RHBDL2: variants seen among roughly 807,000 people sequenced by gnomAD.
RHBDL2 encodes the protein rhomboid-related protein 2.
Under a neutral mutation model 31.7 loss-of-function variants are expected in RHBDL2, and 26 were observed. The observed-to-expected ratio is 0.82, with a 90% CI of 0.60 to 1.14. The LOEUF is 1.14. Among genes scored for constraint, RHBDL2 ranks in the 50% most tolerant of loss-of-function variants. The pLI is 0.00. For missense variants in RHBDL2, 336 were observed against 364.4 expected, an observed-to-expected ratio of 0.92 and a Z score of 0.63; for synonymous variants, 123 against 127.2, an observed-to-expected ratio of 0.97 and a Z score of 0.22.
chr1:38,912,049 G>T (rs1643155981), intron 3 of RHBDL2, among the ~76,000 whole-genome samples: 1 of 151,758 alleles, frequency 6.6e-6, no homozygotes, highest in Non-Finnish European at 1.5e-5. Context: ...TCGGCTCACT[G>T]CAACCTCCAC....
At chr1:38,902,379 GT>G (rs1234715110) in intron 4 of RHBDL2, among the ~76,000 whole-genome samples, 9 of 142,458 alleles carry the variant, frequency 6.3e-5, no homozygotes, top group Admixed American at 5.6e-4. Context: ...TTTTGTTTTT[GT>G]TTTGTTTTAC....
At chr1:38,916,918 T>C (rs1233688798) in intron 2 of RHBDL2, among the ~76,000 whole-genome samples, 1 of 149,736 alleles carries the variant, frequency 6.7e-6, no homozygotes, top group Non-Finnish European at 1.5e-5. Flanking sequence ...TATACAGAGA[T>C]TATCCTGGGT....
intron 4 of RHBDL2, among the ~76,000 whole-genome samples, chr1:38,899,353 C>A (rs1642960714): frequency 6.6e-6 from 1 of 152,196 alleles, no homozygotes; most frequent in Non-Finnish European, 1.5e-5. Context: ...CCTTGGTCCC[C>A]TGCCCTCGTG....
At chr1:38,916,248 C>A (rs1643233657) in intron 2 of RHBDL2, among the ~76,000 whole-genome samples, 1 of 152,186 alleles carries the variant, frequency 6.6e-6, no homozygotes, top group East Asian at 1.9e-4. Flanking sequence ...GGGCCCTTCA[C>A]CTCCGTGGTA....
chr1:38,898,290 G>A (rs773018662), intron 4 of RHBDL2, among the ~76,000 whole-genome samples: 2 of 152,198 alleles, frequency 1.3e-5, no homozygotes, highest in South Asian at 2.1e-4. Flanking sequence ...GTGACAGAAT[G>A]AGACTCTGTC....
Position 38,905,726 on chromosome 1 carries a change from T to C in RHBDL2, c.508+5596A>G, listed in dbSNP as rs1342953141. Among the ~76,000 whole-genome samples the C allele has an allele frequency of 2.2e-5, 3 of 138,550 alleles. No homozygotes were observed. In the Admixed American group the frequency reaches 2.4e-4, roughly 11 times the overall value. The allele number at this position is 138,550 out of a possible 152,430, so 90.9% of individuals were successfully genotyped here. A position where few individuals can be genotyped will look rare whatever the true frequency, so the allele number is the denominator to read the frequency against. ...AAGATCATGCTACTTCACTCCAGCC[T>C]GGGTGACAGAGACTCTGTCTCAAGA... On this transcript the variant is annotated intron_variant, in intron 4 of 7. Transcript: ENST00000372990.
chr1:38,920,401 CAA>C (rs1482053397), intron 1 of RHBDL2, among the ~76,000 whole-genome samples: 3 of 151,874 alleles, frequency 2.0e-5, no homozygotes, highest in African/African-American at 7.3e-5. Flanking sequence ...CTCCCAACCT[CAA>C]GTGATCCACC....
chr1:38,888,024 A>C lies in RHBDL2; in HGVS notation c.671T>G (p.Ile224Ser). 1 of 1,611,598 alleles carries C rather than the reference A, an allele frequency of 6.2e-7. No individual in the cohort carries two copies. The highest frequency in any genetic ancestry group is 8.5e-7 in the Non-Finnish European group (1 of 1,177,846). The change falls in exon 7 of 8, where the codon ATT (isoleucine) becomes AGT (serine). Residue 224 changes from isoleucine (I) to serine (S), a missense_variant and splice_region_variant. Physicochemically the swap from Ile to Ser is moderately radical, Grantham distance 142. Coordinates refer to ENST00000372990, the MANE Select transcript of RHBDL2 (RefSeq NM_017821.5). Reference protein sequence around the residue: ...IFRLLIIILIIVLDMGFALYR... With the variant: ...IFRLLIIILISVLDMGFALYR... ...GAGAGCAAATCCCATGTCCAACACA[A>C]CTAGAAGGAAAAACACCCTGATAAA... is the stretch of plus-strand genomic sequence containing the variant.
intron 1 of RHBDL2, among the ~76,000 whole-genome samples, chr1:38,933,694 TTTATCA>T: frequency 6.6e-6 from 1 of 151,186 alleles, no homozygotes; most frequent in Admixed American, 6.6e-5. Flanking sequence ...GCCGGCGATG[TTTATCA>T]GTGTCATACC....
chr1:38,940,145 G>T (rs776004388), intron 1 of RHBDL2, among the ~76,000 whole-genome samples: 1 of 151,972 alleles, frequency 6.6e-6, no homozygotes, highest in Non-Finnish European at 1.5e-5. Flanking sequence ...TATAAAATAG[G>T]GTTAATAATA....
Position 38,889,131 on chromosome 1 carries a change from T to C in RHBDL2, c.671-1107A>G, listed in dbSNP as rs536027595. ...TGTTTATGACAGAGTCTCAACTCTG[T>C]CGCCCAGGCTGGAATGCAGTAGTGC... On this transcript the variant is annotated intron_variant, in intron 6 of 7. Transcript: ENST00000372990. 2.0e-5 allele frequency among the ~76,000 whole-genome samples: 3 copies of C among 152,284 alleles called. No individual in the cohort carries two copies. In the South Asian group the frequency reaches 6.2e-4, roughly 32 times the overall value.
chr1:38,912,982 G>T (rs1438363632), intron 3 of RHBDL2, among the ~76,000 whole-genome samples: 1 of 140,200 alleles, frequency 7.1e-6, no homozygotes, highest in Admixed American at 7.3e-5. Context: ...GTGTGTGTGT[G>T]TATTTTTTTT....
chr1:38,934,971 A>AAT (rs1553160720), intron 1 of RHBDL2, among the ~76,000 whole-genome samples: 12 of 139,144 alleles, frequency 8.6e-5, no homozygotes, highest in Non-Finnish European at 1.6e-4. Flanking sequence ...AAAAAAAAAA[A>AAT]TTTTTTTAAA....
At chr1:38,888,991 G>A (rs115206057) in intron 6 of RHBDL2, among the ~76,000 whole-genome samples, 2,103 of 152,180 alleles carry the variant, frequency 0.014, 42 homozygotes, top group African/African-American at 0.047. Flanking sequence ...AGGTAGCAGG[G>A]GACAGATTAT....
chr1:38,941,320 T>C (rs981045464), intron 1 of RHBDL2, among the ~76,000 whole-genome samples: 6 of 152,066 alleles, frequency 3.9e-5, no homozygotes, highest in African/African-American at 9.7e-5. Context: ...TAGTTGGAGT[T>C]AGAAAAACTT....
intron 1 of RHBDL2, among the ~76,000 whole-genome samples, chr1:38,928,836 G>T (rs1253304725): frequency 6.6e-6 from 1 of 152,154 alleles, no homozygotes; most frequent in Non-Finnish European, 1.5e-5. Context: ...CGAGGCAGGA[G>T]GATTGCTTGA....
chr1:38,898,820 A>G (rs1642950599), intron 4 of RHBDL2, among the ~76,000 whole-genome samples: 1 of 152,188 alleles, frequency 6.6e-6, no homozygotes, highest in East Asian at 1.9e-4. Flanking sequence ...CAAGGAAAGA[A>G]CCACCAAAAA....
intron 4 of RHBDL2, among the ~76,000 whole-genome samples, chr1:38,906,478 T>C (rs868282602): frequency 2.6e-5 from 4 of 151,798 alleles, no homozygotes; most frequent in Admixed American, 1.3e-4. Flanking sequence ...ATCGAGACCA[T>C]CCTGGCTAAC....
chr1:38,895,947 A>C, intron 5 of RHBDL2, 22 bp downstream of exon 5: 1 of 1,489,052 alleles, frequency 6.7e-7, no homozygotes, highest in Non-Finnish European at 9.3e-7. Flanking sequence ...AGACTCGTGG[A>C]CTCCATCCCC....
Sources: allele counts gnomAD v4.1 joint callset (sites outside exome capture counted in the v4.1 genomes callset), GRCh38; gene constraint gnomAD v4.1.1; transcripts MANE v1.5; gene names NCBI Gene and HGNC (gene_info 2026-07-23, HGNC 2026-07-21).